The following VPS13D variants were observed in gnomAD, a reference collection of about 807,000 sequenced individuals.
VPS13D encodes the protein vacuolar protein sorting 13 homolog D, also known as intermembrane lipid transfer protein VPS13D.
Under a neutral mutation model 461.9 loss-of-function variants are expected in VPS13D, and 187 were observed. That is an observed-to-expected ratio of 0.40 (90% CI 0.36 to 0.46). The LOEUF is 0.46. VPS13D is among the 20% of genes least tolerant of loss of function. The probability of loss-of-function intolerance (pLI) is 0.60; values close to 1 mark genes in which losing one functional copy is unlikely to be tolerated. For synonymous variants in VPS13D, 1,951 were observed against 1,986.3 expected, an observed-to-expected ratio of 0.98 and a Z score of 0.47; for missense variants, 4,711 against 5,364.9, an observed-to-expected ratio of 0.88 and a Z score of 3.81.
intron 35 of VPS13D, 94 bp downstream of exon 35, chr1:12,323,874 C>A: frequency 7.5e-7 from 1 of 1,332,638 alleles, no homozygotes; most frequent in Non-Finnish European, 1.1e-6. Context: ...ACTTAGAGAG[C>A]TGAGTGTGTT....
At position 12,279,508 on chromosome 1, in the gene VPS13D, T is replaced by A; in HGVS notation, c.4460T>A (p.Ile1487Asn). Reference sequence around the variant, plus strand: ...ATCTCTTTTATGCCAGCTTTTCACATCCTGAACAACACCACCATTCAGTTT... The same window carrying A: ...ATCTCTTTTATGCCAGCTTTTCACAACCTGAACAACACCACCATTCAGTTT... ...ESLHRGQAFH[I>N]LNNTTIQFKL... The change falls in exon 20 of 70, where the codon ATC becomes AAC. Residue 1487 changes from isoleucine to asparagine, a missense_variant. By Grantham distance (149) the Ile-to-Asn change is moderately radical. Coordinates refer to ENST00000620676, the MANE Select transcript of VPS13D (RefSeq NM_015378.4). This position sits in a 1 kb window ranked among gnomAD's most constrained non-coding sequence, Gnocchi z 4.3. 6.3e-7 allele frequency: 1 copy of A among 1,596,076 alleles called. No individual in the cohort carries two copies. Among genetic ancestry groups the A allele is most frequent in the Non-Finnish European group, 8.6e-7 (1 of 1,167,600 alleles).
intron 2 of VPS13D, among the ~76,000 whole-genome samples, chr1:12,239,991 C>T (rs1349888486): frequency 6.6e-6 from 1 of 152,084 alleles, no homozygotes; most frequent in Non-Finnish European, 1.5e-5. Flanking sequence ...TTGGAGGGAC[C>T]TTTCCCTGCA....
chr1:12,369,323 G>T, intron 53 of VPS13D, 144 bp from the exon 54 acceptor site: 1 of 736,794 alleles, frequency 1.4e-6, no homozygotes, highest in Non-Finnish European at 2.3e-6. Flanking sequence ...CGAAAGGTGA[G>T]ATGATGAATT....
chr1:12,425,985 A>G (rs992814186), intron 65 of VPS13D, among the ~76,000 whole-genome samples: 1 of 152,266 alleles, frequency 6.6e-6, no homozygotes. Flanking sequence ...GCAGTCTTCC[A>G]TTCATTCCCA....
At chr1:12,326,026 A>G (rs986603234) in intron 35 of VPS13D, among the ~76,000 whole-genome samples, 1 of 146,918 alleles carries the variant, frequency 6.8e-6, no homozygotes, top group African/African-American at 2.5e-5. Context: ...GGGGCTCTTG[A>G]ATCGACAAAT....
rs553021846 is a variant in VPS13D, at chr1:12,253,967, T to C, written c.669+141T>C. The C allele has an allele frequency of 1.1e-4, 69 of 652,048 alleles. No homozygotes were observed. The African/African-American group carries it at 1.1e-3, about 11-fold the overall frequency. 40.4% of individuals were successfully genotyped at this position (652,048 alleles called of 1,614,324 possible). ...TCCTCTAAAGCCATTCACTCTCAAG[T>C]GTGTTTGCTTGAGGTACTTGCTATG... is the stretch of plus-strand genomic sequence containing the variant. On this transcript the variant is annotated intron_variant, in intron 7 of 69. Transcript: ENST00000620676.
intron 27 of VPS13D, among the ~76,000 whole-genome samples, chr1:12,308,923 G>A (rs1270736235): frequency 1.3e-5 from 2 of 152,202 alleles, no homozygotes; most frequent in African/African-American, 2.4e-5. Context: ...GGGATTACAG[G>A]CGTGAGCCAC....
At chr1:12,407,855 G>C (rs1342031112) in intron 63 of VPS13D, among the ~76,000 whole-genome samples, 1 of 152,134 alleles carries the variant, frequency 6.6e-6, no homozygotes, top group Non-Finnish European at 1.5e-5. Context: ...TTTAATATTT[G>C]GTTGCAAGGA....
chr1:12,497,774 T>G, intron 68 of VPS13D, 143 bp downstream of exon 68: 1 of 1,112,292 alleles, frequency 9.0e-7, no homozygotes, highest in East Asian at 2.8e-5. Flanking sequence ...CCCCAAATGT[T>G]TTTTAGATTT....
chr1:12,508,675 G>C (rs142936422), intron 69 of VPS13D, among the ~76,000 whole-genome samples: 3,869 of 150,320 alleles, frequency 0.026, 134 homozygotes, highest in Admixed American at 0.1. Flanking sequence ...GCGCCTAGGC[G>C]ACAGAGACTC....
chr1:12,401,501 G>A (rs999665128), intron 61 of VPS13D, 107 bp from the exon 62 acceptor site: 11 of 728,758 alleles, frequency 1.5e-5, no homozygotes, highest in South Asian at 1.1e-4. Context: ...TAGTTATAAA[G>A]CCACATGATT....
chr1:12,231,676 C>T (rs1319552209), intron 1 of VPS13D, among the ~76,000 whole-genome samples: 1 of 152,118 alleles, frequency 6.6e-6, no homozygotes, highest in Admixed American at 6.5e-5. Flanking sequence ...ATTTGGTTTT[C>T]ACAAATTTAC....
Position 12,509,215 on chromosome 1 carries a change from AT to A in VPS13D, c.*195del. ...GTATTAATTTGTGAGGCAGGGAGTT[AT>A]TTTAGATTATGGGAAATAATTTTTA... is the stretch of plus-strand genomic sequence containing the variant. On this transcript the variant is annotated 3_prime_UTR_variant, in exon 70 of 70. Transcript: ENST00000620676. 1 of 635,334 alleles carries A rather than the reference AT, an allele frequency of 1.6e-6. No homozygotes were observed. The highest frequency in any genetic ancestry group is 2.5e-6 in the Non-Finnish European group (1 of 399,054). 39.4% of individuals were successfully genotyped at this position (635,334 alleles called of 1,614,324 possible). A position where few individuals can be genotyped will look rare whatever the true frequency, so the allele number is the denominator to read the frequency against.
chr1:12,314,400 T>C (rs1333718047), intron 30 of VPS13D, 73 bp downstream of exon 30: 8 of 1,482,300 alleles, frequency 5.4e-6, no homozygotes, highest in Admixed American at 3.9e-5. Context: ...TTGTTGGCTT[T>C]AGAACATCAA....
Position 12,277,129 on chromosome 1 carries a change from G to A in VPS13D, c.3541G>A (p.Val1181Met). The A allele has an allele frequency of 1.2e-6, 2 of 1,614,222 alleles. No homozygotes were observed. The highest frequency in any genetic ancestry group is 8.5e-7 in the Non-Finnish European group (1 of 1,180,042). Residue 1181 changes from valine (V) to methionine (M), a missense_variant, in exon 19 of 70, where the codon GTG (valine) becomes ATG (methionine). By Grantham distance (21) the Val-to-Met change is conservative. This residue lies in a region of VPS13D where 4,411 missense variants were observed against 4,937.8 expected (regional missense o/e 0.89). Transcript: ENST00000620676. ...HRLNLLLLRT[V>M]GMANREKYGR... ...GCTGAACTTACTGCTTCTTCGGACA[G>A]TGGGCATGGCAAATAGAGAGAAATA... is the stretch of plus-strand genomic sequence containing the variant.
Position 12,299,234 on chromosome 1 carries a change from T to C in VPS13D, c.6066T>C (p.Val2022=). The change falls in exon 25 of 70, where the codon GTT becomes GTC. Residue 2022 remains valine, a synonymous_variant. Transcript: ENST00000620676. This position sits in a 1 kb window ranked among gnomAD's most constrained non-coding sequence, Gnocchi z 4.2. ...VRDQAQRCSR[V]LLDIEAGAPV... ...ATCAAGCCCAGCGCTGTTCACGGGTTCTCCTGGATATTGAGGCTGGTGCTC... is the reference window on the plus strand; with the variant it reads ...ATCAAGCCCAGCGCTGTTCACGGGTCCTCCTGGATATTGAGGCTGGTGCTC... 6.2e-7 allele frequency: 1 copy of C among 1,612,936 alleles called. No individual in the cohort carries two copies. Among genetic ancestry groups the C allele is most frequent in the Non-Finnish European group, 8.5e-7 (1 of 1,179,852 alleles).
intron 10 of VPS13D, among the ~76,000 whole-genome samples, chr1:12,259,845 A>G (rs1641048881): frequency 6.6e-6 from 1 of 152,054 alleles, no homozygotes; most frequent in African/African-American, 2.4e-5. Context: ...ATGAAGTATA[A>G]AAGAGCTAGG....
chr1:12,287,221 T>C (rs566874834), intron 21 of VPS13D, among the ~76,000 whole-genome samples: 43 of 152,280 alleles, frequency 2.8e-4, no homozygotes, highest in Admixed American at 1.6e-3. Flanking sequence ...TGTGCCTGGG[T>C]CAGTGTCAGA....
intron 21 of VPS13D, among the ~76,000 whole-genome samples, chr1:12,287,337 C>T (rs1239740807): frequency 6.6e-6 from 1 of 151,974 alleles, no homozygotes; most frequent in Non-Finnish European, 1.5e-5. Flanking sequence ...TTTTTTTCTT[C>T]CTTTCCTTCT....
Sources: allele counts gnomAD v4.1 joint callset (sites outside exome capture counted in the v4.1 genomes callset), GRCh38; gene constraint gnomAD v4.1.1; regional missense constraint gnomAD v4.1.1; non-coding constraint Gnocchi (gnomAD v3.1); transcripts MANE v1.5; gene names NCBI Gene and HGNC (gene_info 2026-07-23, HGNC 2026-07-21).